Variants in ABCB4 observed in about 807,000 individuals in gnomAD.
The protein encoded by ABCB4 is phosphatidylcholine translocator ABCB4.
ABCB4 carries 76 observed loss-of-function variants against 145.7 expected under a neutral mutation model. The ratio of observed to expected loss-of-function variants is 0.52; its 90% CI spans 0.43 to 0.63. The LOEUF is 0.63. Among genes scored for constraint, ABCB4 ranks in the 30% least tolerant of loss-of-function variants. ABCB4 has a pLI of 0.00. For missense variants in ABCB4, 1,234 were observed against 1,553.1 expected (o/e 0.79, Z 3.45); for synonymous variants, 517 against 566.8 (o/e 0.91, Z 1.25).
the ABCB4 span, among the ~76,000 whole-genome samples, chr7:87,389,546 T>A: frequency 6.6e-6 from 1 of 151,626 alleles, no homozygotes; most frequent in East Asian, 1.9e-4. Flanking sequence ...CACCACATGT[T>A]CTCACTCATA....
chr7:87,368,273 C>A, the ABCB4 span, among the ~76,000 whole-genome samples: 1 of 152,190 alleles, frequency 6.6e-6, no homozygotes, highest in Non-Finnish European at 1.5e-5. Context: ...CACCCTTCTG[C>A]CACCCTCACC....
At chr7:87,474,699 T>C (rs1252711314) in intron 2 of ABCB4, among the ~76,000 whole-genome samples, 1 of 152,154 alleles carries the variant, frequency 6.6e-6, no homozygotes, top group Non-Finnish European at 1.5e-5. Flanking sequence ...ACACACGCCA[T>C]TGACTGGGAA....
intron 4 of ABCB4, among the ~76,000 whole-genome samples, chr7:87,457,142 G>A (rs1812149103): frequency 6.6e-6 from 1 of 152,152 alleles, no homozygotes; most frequent in East Asian, 1.9e-4. Context: ...CCCCCCGCCA[G>A]GCCCGGTGGC....
chr7:87,376,014 T>G, the ABCB4 span: 4 of 1,474,326 alleles, frequency 2.7e-6, no homozygotes, highest in South Asian at 5.7e-5. Flanking sequence ...CTCATATTTA[T>G]TGAACATGGA....
intron 3 of ABCB4, among the ~76,000 whole-genome samples, chr7:87,471,093 T>A (rs559027157): frequency 1.3e-5 from 2 of 152,042 alleles, no homozygotes; most frequent in African/African-American, 4.8e-5. Flanking sequence ...CTGGAAACCA[T>A]CCTCAGCAAA....
chr7:87,464,130 C>T (rs544724821), intron 3 of ABCB4, among the ~76,000 whole-genome samples: 1 of 152,144 alleles, frequency 6.6e-6, no homozygotes. Flanking sequence ...AGGCTTGGCA[C>T]AGTGGAGCCT....
chr7:87,434,992 A>G (rs1810515394), intron 14 of ABCB4, among the ~76,000 whole-genome samples: 1 of 152,224 alleles, frequency 6.6e-6, no homozygotes, highest in African/African-American at 2.4e-5. Context: ...TGATCAATGT[A>G]TAAAGGATCC....
Position 87,419,873 on chromosome 7 carries a change from C to T in ABCB4, c.2394+125G>A, listed in dbSNP as rs1160256593. ...GACCAGGACAATTTGCAGGACTCTG[C>T]CCCATCCTTGCGTGAATACCCTGGG... On this transcript the variant is annotated intron_variant, in intron 19 of 27. Transcript: ENST00000649586. 4 of 1,005,332 alleles carry T rather than the reference C, an allele frequency of 4.0e-6. No individual in the cohort carries two copies. In the East Asian group the frequency reaches 9.6e-5, roughly 24 times the overall value. 62.3% of individuals were successfully genotyped at this position (1,005,332 alleles called of 1,614,324 possible).
intron 15 of ABCB4, 81 bp downstream of exon 15, chr7:87,431,323 A>G: frequency 1.3e-6 from 2 of 1,564,220 alleles, no homozygotes; most frequent in South Asian, 2.2e-5. Context: ...TCAGTATAGC[A>G]TTCACTGGAT....
intron 14 of ABCB4, among the ~76,000 whole-genome samples, chr7:87,436,486 A>T (rs1810618589): frequency 6.6e-6 from 1 of 152,240 alleles, no homozygotes; most frequent in Non-Finnish European, 1.5e-5. Context: ...AAAGTCTTTA[A>T]GACAGTCCTT....
At chr7:87,445,978 C>T (rs1187133765) in intron 9 of ABCB4, among the ~76,000 whole-genome samples, 1 of 152,144 alleles carries the variant, frequency 6.6e-6, no homozygotes, top group African/African-American at 2.4e-5. Flanking sequence ...CAAAGGTGAA[C>T]GGTTGTCAGG....
rs1395207581 is a variant in ABCB4 at position 87,408,115 on chromosome 7, C to T, written c.3201G>A (p.Leu1067=). ...LEVKKGQTLA[L]VGSSGCGKST... The stretch of plus-strand genomic sequence containing the variant: ...TCTTCCCACAGCCACTGCTGCCCAC[C>T]AGGGCTAGTGTCTGGCCTTTCTTCA... The change falls in exon 25 of 28, where the codon CTG becomes CTA. Residue 1067 remains leucine (L), a synonymous_variant. Transcript: ENST00000649586. The T allele has an allele frequency of 6.2e-7, 1 of 1,614,264 alleles. No individual in the cohort carries two copies. The highest frequency in any genetic ancestry group is 1.1e-5 in the South Asian group (1 of 91,088).
At chr7:87,452,886 A>G (rs1811842916) in intron 6 of ABCB4, 58 bp downstream of exon 6, 3 of 1,561,968 alleles carry the variant, frequency 1.9e-6, no homozygotes, top group Non-Finnish European at 1.8e-6. Context: ...TTTCCTTGAC[A>G]TATTTTCACA....
intron 5 of ABCB4, among the ~76,000 whole-genome samples, chr7:87,454,115 T>C (rs1019331560): frequency 1.3e-5 from 2 of 152,234 alleles, no homozygotes; most frequent in African/African-American, 4.8e-5. Flanking sequence ...CCTTTTAGCA[T>C]ACAGACAGCA....
the ABCB4 span, among the ~76,000 whole-genome samples, chr7:87,379,339 T>C: frequency 2.0e-5 from 3 of 152,226 alleles, no homozygotes; most frequent in African/African-American, 7.2e-5. Flanking sequence ...GCTATACTTT[T>C]CTAGCTTTTA....
chr7:87,405,985 T>C, intron 26 of ABCB4: 2 of 437,462 alleles, frequency 4.6e-6, no homozygotes, highest in South Asian at 2.3e-5. Flanking sequence ...AAATAAAAAC[T>C]ATAATTGTTT....
At chr7:87,426,657 CT>C in intron 16 of ABCB4, 92 bp downstream of exon 16, 1 of 1,321,514 alleles carries the variant, frequency 7.6e-7, no homozygotes, top group Non-Finnish European at 1.1e-6. Context: ...TAGCAGTCAT[CT>C]GTGCCTGAAA....
the ABCB4 span, among the ~76,000 whole-genome samples, chr7:87,387,499 G>A: frequency 4.0e-5 from 6 of 151,736 alleles, no homozygotes; most frequent in Non-Finnish European, 7.4e-5. Context: ...CAACATCATG[G>A]AGGTTAGGGG....
intron 17 of ABCB4, among the ~76,000 whole-genome samples, chr7:87,423,279 A>T (rs1444637673): frequency 6.6e-6 from 1 of 152,196 alleles, no homozygotes; most frequent in Non-Finnish European, 1.5e-5. Flanking sequence ...AATTAATTGA[A>T]TGATTGGCTA....
Sources: allele counts gnomAD v4.1 joint callset (sites outside exome capture counted in the v4.1 genomes callset), GRCh38; gene constraint gnomAD v4.1.1; transcripts MANE v1.5; gene names NCBI Gene and HGNC (gene_info 2026-07-23, HGNC 2026-07-21).